EPHB1: variants seen among roughly 807,000 people sequenced by gnomAD.
The protein encoded by EPHB1 is ephrin type-B receptor 1.
EPHB1 carries 30 observed loss-of-function variants against 94.4 expected under a neutral mutation model. That is an observed-to-expected ratio of 0.32 (90% CI 0.24 to 0.43). The LOEUF is 0.43. EPHB1 is among the 20% of genes least tolerant of loss of function. The pLI is 1.00. For missense variants in EPHB1, 1,055 were observed against 1,308.3 expected (o/e 0.81, Z 2.99); for synonymous variants, 522 against 489.1 (o/e 1.07, Z -0.89).
chr3:134,986,651 G>A (rs368010436), intron 3 of EPHB1, among the ~76,000 whole-genome samples: 38 of 151,498 alleles, frequency 2.5e-4, no homozygotes, highest in East Asian at 1.8e-3. Flanking sequence ...CAGACTTTGC[G>A]GCCAAAAATG....
At chr3:135,215,068 A>G (rs1943115698) in intron 12 of EPHB1, among the ~76,000 whole-genome samples, 1 of 152,196 alleles carries the variant, frequency 6.6e-6, no homozygotes, top group South Asian at 2.1e-4. Context: ...CACAGCTTAT[A>G]TGAGTGTTGT....
chr3:135,131,204 T>G (rs1337380823), intron 4 of EPHB1, among the ~76,000 whole-genome samples: 1 of 152,242 alleles, frequency 6.6e-6, no homozygotes, highest in African/African-American at 2.4e-5. Flanking sequence ...GCATGAACGC[T>G]GTGCTTTAGC....
chr3:135,108,077 C>T (rs1271840052), intron 4 of EPHB1, among the ~76,000 whole-genome samples: 1 of 152,148 alleles, frequency 6.6e-6, no homozygotes. Context: ...GAAGTATACG[C>T]CCAGGGACTC....
chr3:134,850,898 A>AG lies in EPHB1; in HGVS notation c.58+55215dup, dbSNP rs914814697. ...CATTCTAACCTGTTGGTGCAGAGCC[A>AG]GGGGGGCATTCATCTGCTTCCCCAT... On this transcript the variant is annotated intron_variant, in intron 1 of 15. Transcript: ENST00000398015. Among the ~76,000 whole-genome samples the AG allele has an allele frequency of 1.2e-4, 18 of 152,232 alleles. 1 individual carries two copies. Among genetic ancestry groups the AG allele is most frequent in the Admixed American group, 7.9e-4 (12 of 15,284 alleles).
At chr3:134,820,816 G>C (rs1364772139) in intron 1 of EPHB1, among the ~76,000 whole-genome samples, 1 of 152,168 alleles carries the variant, frequency 6.6e-6, no homozygotes, top group African/African-American at 2.4e-5. Flanking sequence ...ACAAAAACCA[G>C]ATACGCTTTA....
chr3:135,238,126 G>T (rs1425329321), intron 12 of EPHB1, among the ~76,000 whole-genome samples: 1 of 152,162 alleles, frequency 6.6e-6, no homozygotes, highest in Non-Finnish European at 1.5e-5. Flanking sequence ...AGCACCAGAA[G>T]GCAACATTGA....
intron 13 of EPHB1, among the ~76,000 whole-genome samples, chr3:135,242,803 C>T (rs771721863): frequency 9.9e-5 from 15 of 152,226 alleles, no homozygotes; most frequent in Admixed American, 2.0e-4. Flanking sequence ...CCCAGCAGGG[C>T]GCAGTGGCTC....
At position 135,167,389 on chromosome 3, in the gene EPHB1, T is replaced by C. The variant is rs76560649; in HGVS notation, c.1759+383T>C. Among the ~76,000 whole-genome samples, 526 of 152,290 alleles carry C rather than the reference T, an allele frequency of 3.5e-3. 2 individuals are homozygous for C. The highest frequency in any genetic ancestry group is 0.012 in the African/African-American group (508 of 41,556). ...CTTATCCAATTGAGCAGCTGGGGAA[T>C]TTGTTAACCAAATTCACAGATAAGC... On this transcript the variant is annotated intron_variant, in intron 9 of 15. Transcript: ENST00000398015.
intron 5 of EPHB1, among the ~76,000 whole-genome samples, chr3:135,148,307 T>C: frequency 6.6e-6 from 1 of 152,316 alleles, no homozygotes; most frequent in Non-Finnish European, 1.5e-5. Context: ...AATTAAAGTG[T>C]CAAGGAATGT....
intron 5 of EPHB1, among the ~76,000 whole-genome samples, chr3:135,143,035 C>A (rs184872128): frequency 7.2e-5 from 11 of 152,238 alleles, no homozygotes; most frequent in African/African-American, 2.6e-4. Context: ...AAACTGTCAT[C>A]AGGTGAGAGG....
chr3:135,176,031 G>C (rs1941968668), intron 9 of EPHB1, among the ~76,000 whole-genome samples: 1 of 149,466 alleles, frequency 6.7e-6, no homozygotes, highest in African/African-American at 2.4e-5. Context: ...GTTCTGCCTA[G>C]CTAAAGGCTT....
chr3:134,852,042 T>C (rs1431944274), intron 1 of EPHB1, among the ~76,000 whole-genome samples: 2 of 152,166 alleles, frequency 1.3e-5, no homozygotes, highest in African/African-American at 4.8e-5. Flanking sequence ...GGGTTTAAGT[T>C]CAGATTATGT....
chr3:134,882,199 C>G (rs2037745108), intron 1 of EPHB1, among the ~76,000 whole-genome samples: 1 of 152,110 alleles, frequency 6.6e-6, no homozygotes, highest in Non-Finnish European at 1.5e-5. Flanking sequence ...CTCATCCTAT[C>G]AGGAAGAACT....
intron 12 of EPHB1, 26 bp from the exon 13 acceptor site, chr3:135,241,122 C>T (rs2107728043): frequency 6.2e-7 from 1 of 1,614,050 alleles, no homozygotes; most frequent in South Asian, 1.1e-5. Flanking sequence ...GATTGTTGGG[C>T]TGACCACGGT....
intron 3 of EPHB1, among the ~76,000 whole-genome samples, chr3:135,098,098 T>C (rs888819217): frequency 6.6e-6 from 1 of 152,180 alleles, no homozygotes; most frequent in Non-Finnish European, 1.5e-5. Flanking sequence ...ACCTCTGCTG[T>C]AGAAATTTTA....
intron 9 of EPHB1, among the ~76,000 whole-genome samples, chr3:135,178,211 T>A (rs1942040380): frequency 9.3e-6 from 1 of 107,124 alleles, no homozygotes; most frequent in Non-Finnish European, 1.8e-5. Flanking sequence ...CCCAGCACTT[T>A]GGGAGGCCGG....
chr3:134,880,568 A>T (rs2037711636), intron 1 of EPHB1, among the ~76,000 whole-genome samples: 1 of 152,216 alleles, frequency 6.6e-6, no homozygotes, highest in Non-Finnish European at 1.5e-5. Context: ...CCCCCGACAC[A>T]GCCAAGAGAT....
chr3:134,814,673 G>C (rs764800451), intron 1 of EPHB1, among the ~76,000 whole-genome samples: 1 of 152,230 alleles, frequency 6.6e-6, no homozygotes, highest in Non-Finnish European at 1.5e-5. Flanking sequence ...GTGCCTCTCT[G>C]TCTTGGACTT....
chr3:135,059,573 G>A (rs908836926), intron 3 of EPHB1, among the ~76,000 whole-genome samples: 1 of 152,216 alleles, frequency 6.6e-6, no homozygotes, highest in African/African-American at 2.4e-5. Flanking sequence ...AGCAATTGTT[G>A]CTGGGTCTCC....
Sources: allele counts gnomAD v4.1 joint callset (sites outside exome capture counted in the v4.1 genomes callset), GRCh38; gene constraint gnomAD v4.1.1; transcripts MANE v1.5; gene names NCBI Gene and HGNC (gene_info 2026-07-23, HGNC 2026-07-21).